The following ACYP2 variants were observed in gnomAD, a reference collection of about 807,000 sequenced individuals.
ACYP2 encodes acylphosphatase-2.
ACYP2 carries 12 observed loss-of-function variants against 11.2 expected under a neutral mutation model. The ratio of observed to expected loss-of-function variants is 1.08; its 90% CI spans 0.69 to 1.74. The LOEUF is 1.74. Among genes scored for constraint, ACYP2 ranks in the 40% most tolerant of loss-of-function variants. The probability of loss-of-function intolerance (pLI) is 0.00; values close to 1 mark genes in which losing one functional copy is unlikely to be tolerated. For missense variants in ACYP2, 134 were observed against 101.9 expected (o/e 1.31, Z -1.35); for synonymous variants, 43 against 32.2 (o/e 1.33, Z -1.13).
intron 4 of ACYP2, among the ~76,000 whole-genome samples, chr2:54,097,662 C>A (rs1195724345): frequency 6.6e-6 from 1 of 151,384 alleles, no homozygotes; most frequent in Non-Finnish European, 1.5e-5. Flanking sequence ...ATTTGGCCAG[C>A]CTTGTTTCTC....
chr2:54,126,557 AAGTC>A (rs1278165503), intron 4 of ACYP2, among the ~76,000 whole-genome samples: 12 of 150,988 alleles, frequency 7.9e-5, no homozygotes, highest in Non-Finnish European at 4.4e-5. Context: ...ACACAATACT[AAGTC>A]AGCGTTGTGG....
intron 6 of ACYP2, among the ~76,000 whole-genome samples, chr2:54,289,979 T>C (rs998897288): frequency 6.6e-6 from 1 of 152,092 alleles, no homozygotes; most frequent in Non-Finnish European, 1.5e-5. Flanking sequence ...TTTTTGCTTC[T>C]GCTTTTCCAT....
chr2:54,300,416 C>T (rs2104167631), intron 6 of ACYP2, among the ~76,000 whole-genome samples: 1 of 152,316 alleles, frequency 6.6e-6, no homozygotes, highest in South Asian at 2.1e-4. Context: ...AAGAAAGTCA[C>T]CTCACTAGAG....
chr2:54,185,860 G>C (rs1232050115), intron 6 of ACYP2, among the ~76,000 whole-genome samples: 2 of 152,018 alleles, frequency 1.3e-5, no homozygotes, highest in African/African-American at 4.8e-5. Flanking sequence ...AAAATATGAA[G>C]GTGTAGGATC....
intron 6 of ACYP2, among the ~76,000 whole-genome samples, chr2:54,173,576 G>A (rs1683311284): frequency 6.6e-6 from 1 of 152,140 alleles, no homozygotes; most frequent in Non-Finnish European, 1.5e-5. Context: ...GGCTTTTGTT[G>A]CCATTGCTTT....
intron 6 of ACYP2, among the ~76,000 whole-genome samples, chr2:54,297,429 T>C (rs1231070917): frequency 6.6e-6 from 1 of 152,104 alleles, no homozygotes; most frequent in Non-Finnish European, 1.5e-5. Flanking sequence ...GCTCAGGAGT[T>C]CGAGATTACA....
chr2:54,104,335 A>C (rs1679046284), intron 4 of ACYP2, among the ~76,000 whole-genome samples: 1 of 152,242 alleles, frequency 6.6e-6, no homozygotes, highest in Non-Finnish European at 1.5e-5. Flanking sequence ...ATGAGGAAGA[A>C]GTGGAAATTA....
chr2:54,165,723 C>G (rs1490962468), intron 6 of ACYP2, among the ~76,000 whole-genome samples: 1 of 152,144 alleles, frequency 6.6e-6, no homozygotes, highest in Admixed American at 6.6e-5. Flanking sequence ...GACTGGGTGC[C>G]AGGAGAGCAA....
intron 6 of ACYP2, among the ~76,000 whole-genome samples, chr2:54,188,811 C>A (rs1684118054): frequency 6.6e-6 from 1 of 152,162 alleles, no homozygotes; most frequent in Admixed American, 6.5e-5. Context: ...GGATTGTGTG[C>A]TTGCCAGCAG....
chr2:53,988,927 T>G (rs773182802), intron 2 of ACYP2, among the ~76,000 whole-genome samples: 1 of 152,120 alleles, frequency 6.6e-6, no homozygotes, highest in East Asian at 1.9e-4. Context: ...TATTGCATTT[T>G]TAGTAGAGAC....
chr2:54,105,142 C>T (rs1679089216), intron 4 of ACYP2, among the ~76,000 whole-genome samples: 1 of 152,206 alleles, frequency 6.6e-6, no homozygotes, highest in Admixed American at 6.5e-5. Flanking sequence ...AGAGCCTGAG[C>T]ACTCTTCCCC....
intron 2 of ACYP2, among the ~76,000 whole-genome samples, chr2:53,990,518 G>A (rs28571698): frequency 0.099 from 14,945 of 150,610 alleles, 1,032 homozygotes; most frequent in African/African-American, 0.2. Flanking sequence ...GCGTGGTGGC[G>A]GCCACCTGTA....
chr2:54,057,600 A>G (rs541246043), intron 4 of ACYP2, among the ~76,000 whole-genome samples: 1 of 152,352 alleles, frequency 6.6e-6, no homozygotes, highest in African/African-American at 2.4e-5. Context: ...CCAGAGAAGT[A>G]CGTTTTATTA....
chr2:54,072,125 G>C (rs963981534), intron 4 of ACYP2, among the ~76,000 whole-genome samples: 4 of 152,170 alleles, frequency 2.6e-5, no homozygotes, highest in Admixed American at 2.6e-4. Flanking sequence ...ATTAAAATAA[G>C]TGCAAACCTG....
intron 6 of ACYP2, among the ~76,000 whole-genome samples, chr2:54,160,773 T>C (rs1682677086): frequency 6.6e-6 from 1 of 151,976 alleles, no homozygotes; most frequent in Non-Finnish European, 1.5e-5. Flanking sequence ...CAATGGGGAG[T>C]CGTTGAAAAG....
chr2:54,176,181 G>A (rs1412608050), intron 6 of ACYP2, among the ~76,000 whole-genome samples: 1 of 152,126 alleles, frequency 6.6e-6, no homozygotes, highest in Non-Finnish European at 1.5e-5. Context: ...CCTAGCATAA[G>A]GACCGTATTT....
In ACYP2 at chr2:54,012,690, A is replaced by G. The variant is rs535613636; in HGVS notation, c.63-38268A>G. 2.0e-5 allele frequency among the ~76,000 whole-genome samples: 3 copies of G among 152,086 alleles called. No individual in the cohort carries two copies. In the South Asian group the frequency reaches 6.2e-4, roughly 32 times the overall value. On this transcript the variant is annotated intron_variant, in intron 2 of 6. Transcript: ENST00000607452. ...CGTCTGATCTACAGTCCTTTAATCC[A>G]TCATCTCTGTCTGGCGCGGGTTGTT...
At chr2:54,169,356 C>T (rs1351896392) in intron 6 of ACYP2, among the ~76,000 whole-genome samples, 2 of 152,162 alleles carry the variant, frequency 1.3e-5, no homozygotes, top group East Asian at 1.9e-4. Flanking sequence ...CCTTTGACTT[C>T]AGTTTCAAAT....
At chr2:54,033,570 G>A (rs1424438244) in intron 2 of ACYP2, among the ~76,000 whole-genome samples, 1 of 152,144 alleles carries the variant, frequency 6.6e-6, no homozygotes, top group African/African-American at 2.4e-5. Flanking sequence ...GATGAAAATT[G>A]TGTGTTATAT....
Sources: allele counts gnomAD v4.1 joint callset (sites outside exome capture counted in the v4.1 genomes callset), GRCh38; gene constraint gnomAD v4.1.1; transcripts MANE v1.5; gene names NCBI Gene and HGNC (gene_info 2026-07-23, HGNC 2026-07-21).